Variants in FMN1 observed in about 807,000 individuals in gnomAD.
FMN1 encodes the protein formin-1.
Under a neutral mutation model 132.4 loss-of-function variants are expected in FMN1, and 110 were observed. The ratio of observed to expected loss-of-function variants is 0.83; its 90% CI spans 0.71 to 0.97. The LOEUF is 0.97. Among genes scored for constraint, FMN1 ranks in the 50% least tolerant of loss-of-function variants. The pLI is 0.00. For missense variants in FMN1, 1,792 were observed against 1,705.3 expected (o/e 1.05, Z -0.90); for synonymous variants, 722 against 651.7 (o/e 1.11, Z -1.64).
chr15:32,879,155 C>A (rs2059704159), intron 16 of FMN1, among the ~76,000 whole-genome samples: 1 of 152,176 alleles, frequency 6.6e-6, no homozygotes, highest in Admixed American at 6.5e-5. Flanking sequence ...CATTTTACAC[C>A]CACTGCTTTT....
intron 7 of FMN1, among the ~76,000 whole-genome samples, chr15:32,985,363 T>C (rs1375887810): frequency 6.6e-6 from 1 of 152,152 alleles, no homozygotes; most frequent in Non-Finnish European, 1.5e-5. Flanking sequence ...TCTTCCTCCT[T>C]CCATCTTTTA....
intron 9 of FMN1, among the ~76,000 whole-genome samples, chr15:32,944,209 G>C (rs2061457021): frequency 6.6e-6 from 1 of 152,200 alleles, no homozygotes; most frequent in South Asian, 2.1e-4. Flanking sequence ...AGGTGCCCAG[G>C]AGTACAATGC....
intron 4 of FMN1, among the ~76,000 whole-genome samples, chr15:33,117,270 TAAC>T (rs1204872342): frequency 6.6e-6 from 1 of 152,124 alleles, no homozygotes; most frequent in Non-Finnish European, 1.5e-5. Flanking sequence ...ATTCTGGCAA[TAAC>T]AACGAAAGTA....
intron 6 of FMN1, chr15:33,012,855 T>C (rs2034809574): frequency 1.7e-6 from 1 of 605,564 alleles, no homozygotes; most frequent in Non-Finnish European, 3.1e-6. Context: ...ATAATGAATT[T>C]GGTAATGATG....
intron 19 of FMN1, among the ~76,000 whole-genome samples, chr15:32,797,802 T>C (rs1264789332): frequency 6.6e-6 from 1 of 152,134 alleles, no homozygotes; most frequent in Non-Finnish European, 1.5e-5. Flanking sequence ...CTCCTCTTAC[T>C]AGTGTTTTAA....
chr15:32,981,803 T>C (rs992478655), intron 7 of FMN1, among the ~76,000 whole-genome samples: 1 of 152,006 alleles, frequency 6.6e-6, no homozygotes, highest in African/African-American at 2.4e-5. Context: ...TATACACATA[T>C]CAAAACACAA....
chr15:33,067,053 T>C, intron 5 of FMN1: 2 of 1,613,984 alleles, frequency 1.2e-6, no homozygotes, highest in Non-Finnish European at 8.5e-7. Flanking sequence ...CGAAGCCCAC[T>C]GAAAAAAGCT....
intron 9 of FMN1, among the ~76,000 whole-genome samples, chr15:32,936,682 AGAAG>A (rs968720167): frequency 1.3e-5 from 2 of 151,908 alleles, no homozygotes; most frequent in African/African-American, 4.8e-5. Context: ...AGGAGGAGAA[AGAAG>A]GAAGGAAGGA....
At chr15:32,923,062 T>A (rs1238028439) in intron 10 of FMN1, among the ~76,000 whole-genome samples, 2 of 152,212 alleles carry the variant, frequency 1.3e-5, no homozygotes, top group Non-Finnish European at 2.9e-5. Context: ...CATCAGCTTC[T>A]TGTGAGTTTG....
At chr15:33,032,071 G>A (rs1390871700) in intron 6 of FMN1, among the ~76,000 whole-genome samples, 1 of 152,180 alleles carries the variant, frequency 6.6e-6, no homozygotes, top group Non-Finnish European at 1.5e-5. Context: ...GTTATCGTAT[G>A]TGTTCTACGA....
chr15:33,138,082 C>CTGCTGT (rs1963849670), intron 4 of FMN1, among the ~76,000 whole-genome samples: 1 of 152,198 alleles, frequency 6.6e-6, no homozygotes, highest in African/African-American at 2.4e-5. Flanking sequence ...GAATAAAGGA[C>CTGCTGT]TGCTGTTGCT....
intron 9 of FMN1, among the ~76,000 whole-genome samples, chr15:32,942,801 A>G (rs1246804275): frequency 6.6e-6 from 1 of 152,202 alleles, no homozygotes; most frequent in Non-Finnish European, 1.5e-5. Context: ...TTTTTCAAAT[A>G]CAGCCACATG....
intron 10 of FMN1, among the ~76,000 whole-genome samples, chr15:32,915,792 T>C (rs2060670424): frequency 6.6e-6 from 1 of 152,264 alleles, no homozygotes; most frequent in African/African-American, 2.4e-5. Context: ...CTGGTGGTTT[T>C]TACTTTTATC....
intron 16 of FMN1, among the ~76,000 whole-genome samples, chr15:32,860,210 G>T (rs1222529540): frequency 6.7e-6 from 1 of 148,528 alleles, no homozygotes; most frequent in African/African-American, 2.5e-5. Flanking sequence ...AGGAAAGAAA[G>T]GAGAGAGGAA....
At chr15:32,876,892 A>C (rs2059649724) in intron 16 of FMN1, among the ~76,000 whole-genome samples, 1 of 152,226 alleles carries the variant, frequency 6.6e-6, no homozygotes, top group African/African-American at 2.4e-5. Flanking sequence ...TTGTAAGTTA[A>C]AGTGTTAAGG....
chr15:33,045,710 G>A (rs186201643), intron 6 of FMN1, among the ~76,000 whole-genome samples: 7 of 152,288 alleles, frequency 4.6e-5, no homozygotes, highest in Non-Finnish European at 7.4e-5. Flanking sequence ...GGGTCAGAAA[G>A]AAACTGGTAG....
At chr15:33,061,692 T>C (rs1204096020) in intron 6 of FMN1, among the ~76,000 whole-genome samples, 2 of 152,038 alleles carry the variant, frequency 1.3e-5, no homozygotes, top group Admixed American at 6.6e-5. Flanking sequence ...TGTATTGTAA[T>C]GCTACAATAA....
At chr15:33,121,107 A>C (rs1274939845) in intron 4 of FMN1, among the ~76,000 whole-genome samples, 1 of 142,604 alleles carries the variant, frequency 7.0e-6, no homozygotes, top group African/African-American at 2.4e-5. Context: ...ATGATGTTGT[A>C]ACAAGAGTAT....
chr15:33,063,911 C>T (rs1318576236), intron 6 of FMN1: 5 of 152,140 alleles, frequency 3.3e-5, no homozygotes, highest in Admixed American at 1.3e-4. Context: ...ACTTAAATTG[C>T]TATACATATT....
Sources: allele counts gnomAD v4.1 joint callset (sites outside exome capture counted in the v4.1 genomes callset), GRCh38; gene constraint gnomAD v4.1.1; transcripts MANE v1.5; gene names NCBI Gene and HGNC (gene_info 2026-07-23, HGNC 2026-07-21).